Variants in ATG5 observed in about 807,000 individuals in gnomAD.
ATG5 encodes autophagy related 5, also known as autophagy protein 5.
In ATG5, 14 loss-of-function variants were observed where a neutral mutation model predicts 36.5. The observed-to-expected ratio is 0.38, with a 90% CI of 0.25 to 0.60. The LOEUF (loss-of-function observed/expected upper bound fraction) is 0.60. Among genes scored for constraint, ATG5 ranks in the 20% least tolerant of loss-of-function variants. The probability of loss-of-function intolerance (pLI) is 0.60; values close to 1 mark genes in which losing one functional copy is unlikely to be tolerated. For missense variants in ATG5, 195 were observed against 326.7 expected (o/e 0.60, Z 3.11); for synonymous variants, 95 against 101.5 (o/e 0.94, Z 0.38).
At position 106,316,247 on chromosome 6, in the gene ATG5, T is replaced by C; in HGVS notation, c.-39A>G. 6.5e-7 allele frequency: 1 copy of C among 1,527,912 alleles called. No individual in the cohort carries two copies. The highest frequency in any genetic ancestry group is 1.1e-5 in the South Asian group (1 of 87,224). 94.6% of individuals were successfully genotyped at this position (1,527,912 alleles called of 1,614,324 possible). A position where few individuals can be genotyped will look rare whatever the true frequency, so the allele number is the denominator to read the frequency against. Reference sequence around the variant, plus strand: ...AAAGCAGTACATACAGGCTAAATTCTTATTTCAACCAAAGCCAAACTGAAA... The same window carrying C: ...AAAGCAGTACATACAGGCTAAATTCCTATTTCAACCAAAGCCAAACTGAAA... On this transcript the variant is annotated 5_prime_UTR_variant, in exon 2 of 8. Coordinates refer to ENST00000369076, the MANE Select transcript of ATG5 (RefSeq NM_004849.4).
At chr6:106,194,815 T>G (rs1349140620) in intron 7 of ATG5, among the ~76,000 whole-genome samples, 9 of 152,178 alleles carry the variant, frequency 5.9e-5, no homozygotes, top group Non-Finnish European at 1.2e-4. Flanking sequence ...TACATTACAT[T>G]AGAAGACTGG....
chr6:106,195,138 C>A (rs1377714751), intron 7 of ATG5, among the ~76,000 whole-genome samples: 1 of 152,182 alleles, frequency 6.6e-6, no homozygotes, highest in African/African-American at 2.4e-5. Flanking sequence ...ATTAGTTACT[C>A]CACAAGAACA....
intron 5 of ATG5, among the ~76,000 whole-genome samples, chr6:106,266,518 T>C (rs1321567477): frequency 2.0e-5 from 3 of 152,062 alleles, no homozygotes; most frequent in African/African-American, 7.3e-5. Context: ...ACTCATTTTA[T>C]GATACCAAAA....
intron 5 of ATG5, among the ~76,000 whole-genome samples, chr6:106,254,620 T>C (rs1163556230): frequency 6.6e-6 from 1 of 152,220 alleles, no homozygotes; most frequent in Non-Finnish European, 1.5e-5. Context: ...ATTTATTTAA[T>C]AGTTGTGTGA....
intron 6 of ATG5, among the ~76,000 whole-genome samples, chr6:106,207,443 G>A (rs989384058): frequency 1.3e-5 from 2 of 152,022 alleles, no homozygotes; most frequent in African/African-American, 4.8e-5. Flanking sequence ...GCTCATGCCT[G>A]TAATCCCAGC....
chr6:106,297,340 CAT>C (rs1417669030), intron 3 of ATG5, among the ~76,000 whole-genome samples: 1 of 151,922 alleles, frequency 6.6e-6, no homozygotes, highest in African/African-American at 2.4e-5. Flanking sequence ...AATTAGATCA[CAT>C]AGAAATGAAA....
At chr6:106,226,493 G>A (rs1416037063) in intron 6 of ATG5, among the ~76,000 whole-genome samples, 2 of 152,076 alleles carry the variant, frequency 1.3e-5, no homozygotes, top group Non-Finnish European at 2.9e-5. Flanking sequence ...GGACTTACTG[G>A]ACAAAGACTT....
At chr6:106,263,754 C>A (rs1453212974) in intron 5 of ATG5, among the ~76,000 whole-genome samples, 3 of 151,912 alleles carry the variant, frequency 2.0e-5, no homozygotes, top group Non-Finnish European at 2.9e-5. Context: ...AGCAGACCTG[C>A]AGAAGAGGGG....
At chr6:106,315,473 A>C (rs1369593203) in intron 2 of ATG5, among the ~76,000 whole-genome samples, 1 of 152,212 alleles carries the variant, frequency 6.6e-6, no homozygotes, top group South Asian at 2.1e-4. Context: ...CAAAATCAGA[A>C]GACATTTGAA....
rs77220958 is a variant in ATG5, at chr6:106,244,918, T to C, written c.573+3232A>G. Among the ~76,000 whole-genome samples the C allele has an allele frequency of 4.2e-4, 64 of 152,354 alleles. 2 individuals carry two copies. The East Asian group carries it at 0.011, about 27-fold the overall frequency. ...CTTAATTTTCATTTTACATCTCAAA[T>C]ACCAATGCCTAAGGAATTCACAGTC... is the stretch of plus-strand genomic sequence containing the variant. On this transcript the variant is annotated intron_variant, in intron 6 of 7. Transcript: ENST00000369076.
intron 6 of ATG5, among the ~76,000 whole-genome samples, chr6:106,240,043 A>C (rs9373840): frequency 0.045 from 6,787 of 151,866 alleles, 419 homozygotes; most frequent in East Asian, 0.25. Context: ...ACCAGGCTGG[A>C]CTGTAGTGGC....
At position 106,248,172 on chromosome 6, in the gene ATG5, T is replaced by C; in HGVS notation, c.551A>G (p.Tyr184Cys). ...EYPAEENGFR[Y>C]IPFRIYQTTT... ...TACCTGATATATTCTAAAGGGGATA[T>C]AACGAAATCCATTTTCTTCTGCAGG... The change falls in exon 6 of 8, where the codon TAT (tyrosine) becomes TGT (cysteine). Residue 184 changes from tyrosine (Y) to cysteine (C), a missense_variant. Tyr to Cys is a radical substitution (Grantham distance 194). Coordinates refer to ENST00000369076, the MANE Select transcript of ATG5 (RefSeq NM_004849.4). 6.2e-7 allele frequency: 1 copy of C among 1,609,814 alleles called. No homozygotes were observed.
chr6:106,242,585 TAAAAC>T (rs1421718194), intron 6 of ATG5, among the ~76,000 whole-genome samples: 6 of 152,066 alleles, frequency 3.9e-5, no homozygotes, highest in Non-Finnish European at 7.4e-5. Context: ...GATTAAAAAT[TAAAAC>T]AAAATAATAT....
At chr6:106,242,135 TACTC>T (rs1423855711) in intron 6 of ATG5, among the ~76,000 whole-genome samples, 1 of 143,572 alleles carries the variant, frequency 7.0e-6, no homozygotes, top group Non-Finnish European at 1.5e-5. Context: ...TATACACACA[TACTC>T]ACACACACAC....
intron 2 of ATG5, among the ~76,000 whole-genome samples, chr6:106,310,179 CACAATAAA>C (rs1017328975): frequency 2.6e-5 from 4 of 152,226 alleles, no homozygotes; most frequent in Admixed American, 2.6e-4. Flanking sequence ...AAAGGAGGCA[CACAATAAA>C]TATTTGCTGA....
chr6:106,247,413 C>T (rs745970597), intron 6 of ATG5, among the ~76,000 whole-genome samples: 2 of 152,170 alleles, frequency 1.3e-5, no homozygotes, highest in South Asian at 2.1e-4. Context: ...TGCAAATATG[C>T]TGTGAGAAAG....
At chr6:106,314,494 T>C (rs1332679432) in intron 2 of ATG5, among the ~76,000 whole-genome samples, 1 of 152,044 alleles carries the variant, frequency 6.6e-6, no homozygotes, top group Non-Finnish European at 1.5e-5. Context: ...GAGAGGGAGG[T>C]TGCAGTGAGC....
chr6:106,263,838 T>G (rs1443850854), intron 5 of ATG5, among the ~76,000 whole-genome samples: 1 of 150,818 alleles, frequency 6.6e-6, no homozygotes, highest in African/African-American at 2.4e-5. Flanking sequence ...CCAAAGGTCA[T>G]TAGCCTCCAA....
At chr6:106,302,107 A>C (rs1770234249) in intron 3 of ATG5, among the ~76,000 whole-genome samples, 1 of 152,088 alleles carries the variant, frequency 6.6e-6, no homozygotes, top group Non-Finnish European at 1.5e-5. Flanking sequence ...CTTTGGGCTA[A>C]AAAGAACCAC....
Sources: allele counts gnomAD v4.1 joint callset (sites outside exome capture counted in the v4.1 genomes callset), GRCh38; gene constraint gnomAD v4.1.1; transcripts MANE v1.5; gene names NCBI Gene and HGNC (gene_info 2026-07-23, HGNC 2026-07-21).